The following ST6GALNAC3 variants were observed in gnomAD, a reference collection of about 807,000 sequenced individuals.
The protein encoded by ST6GALNAC3 is alpha-N-acetylgalactosaminide alpha-2,6-sialyltransferase 3.
A neutral mutation model predicts 32.7 loss-of-function variants in ST6GALNAC3; 25 were observed. The ratio of observed to expected loss-of-function variants is 0.76; its 90% CI spans 0.56 to 1.07. The LOEUF (loss-of-function observed/expected upper bound fraction) is 1.07. Ranked by LOEUF, ST6GALNAC3 falls within the 50% of genes least tolerant of loss-of-function variation. The pLI is 0.00. For synonymous variants in ST6GALNAC3, 129 were observed against 133.1 expected (o/e 0.97, Z 0.21); for missense variants, 355 against 382.4 (o/e 0.93, Z 0.60).
At chr1:76,198,095 T>TG (rs1191290450) in intron 1 of ST6GALNAC3, among the ~76,000 whole-genome samples, 1 of 152,216 alleles carries the variant, frequency 6.6e-6, no homozygotes, top group Non-Finnish European at 1.5e-5. Context: ...TGGAGTGCAC[T>TG]GGCACAATCA....
chr1:76,208,001 G>A (rs1654916261), intron 1 of ST6GALNAC3, among the ~76,000 whole-genome samples: 1 of 151,978 alleles, frequency 6.6e-6, no homozygotes, highest in Non-Finnish European at 1.5e-5. Context: ...CTTCAGGGGG[G>A]GCCTGCATTA....
intron 2 of ST6GALNAC3, among the ~76,000 whole-genome samples, chr1:76,403,896 T>C (rs1164998104): frequency 1.3e-5 from 2 of 152,016 alleles, no homozygotes; most frequent in African/African-American, 4.8e-5. Context: ...TTCACATCCA[T>C]ATGAGAAAAC....
chr1:76,126,262 C>T (rs551599422), intron 1 of ST6GALNAC3, among the ~76,000 whole-genome samples: 1 of 152,282 alleles, frequency 6.6e-6, no homozygotes, highest in South Asian at 2.1e-4. Flanking sequence ...TGCCTGCCCT[C>T]TATATTTATT....
chr1:76,480,072 A>G (rs918361273), intron 3 of ST6GALNAC3, among the ~76,000 whole-genome samples: 2 of 152,206 alleles, frequency 1.3e-5, no homozygotes, highest in African/African-American at 2.4e-5. Context: ...TGAAACTAAC[A>G]AATGGAAATA....
chr1:76,124,120 A>C (rs1398088950), intron 1 of ST6GALNAC3, among the ~76,000 whole-genome samples: 1 of 152,182 alleles, frequency 6.6e-6, no homozygotes, highest in Non-Finnish European at 1.5e-5. Context: ...CTAAAAATGA[A>C]AAGAAAAGAA....
chr1:76,327,881 T>C (rs1267748597), intron 2 of ST6GALNAC3, among the ~76,000 whole-genome samples: 1 of 152,136 alleles, frequency 6.6e-6, no homozygotes, highest in Non-Finnish European at 1.5e-5. Context: ...TGAACCCCCA[T>C]GCCTGGCCCA....
intron 1 of ST6GALNAC3, among the ~76,000 whole-genome samples, chr1:76,095,954 G>A (rs764367248): frequency 1.3e-5 from 2 of 152,142 alleles, no homozygotes; most frequent in Non-Finnish European, 2.9e-5. Flanking sequence ...ATGAACAGCT[G>A]ACAGTCATTG....
intron 3 of ST6GALNAC3, among the ~76,000 whole-genome samples, chr1:76,602,504 A>G (rs548583885): frequency 1.3e-5 from 2 of 152,248 alleles, no homozygotes; most frequent in East Asian, 3.9e-4. Flanking sequence ...TTTTGTTTGT[A>G]ATTTGTTAGT....
chr1:76,509,294 G>A lies in ST6GALNAC3; in HGVS notation c.623+96877G>A, dbSNP rs560977773. Among the ~76,000 whole-genome samples the A allele has an allele frequency of 6.6e-6, 1 of 152,314 alleles. No homozygotes were observed. The highest frequency in any genetic ancestry group is 1.5e-5 in the Non-Finnish European group (1 of 68,032). On this transcript the variant is annotated intron_variant, in intron 3 of 4. Transcript: ENST00000328299. This position sits in a 1 kb window ranked among gnomAD's most constrained non-coding sequence, Gnocchi z 5.5. ...AGTTGTTACCTAATTTGCATTCAAA[G>A]AATGGTTTAAAGAATATTGGCAGGA... is the stretch of plus-strand genomic sequence containing the variant.
At chr1:76,587,086 A>G (rs138586617) in intron 3 of ST6GALNAC3, among the ~76,000 whole-genome samples, 1 of 152,334 alleles carries the variant, frequency 6.6e-6, no homozygotes, top group Admixed American at 6.5e-5. Context: ...TATATTCCAG[A>G]CACCAGATAT....
intron 1 of ST6GALNAC3, among the ~76,000 whole-genome samples, chr1:76,143,936 T>G (rs180685524): frequency 2.0e-4 from 31 of 152,318 alleles, no homozygotes; most frequent in African/African-American, 7.5e-4. Context: ...CTTGCCAGCC[T>G]TGGGCCAGTT....
intron 1 of ST6GALNAC3, among the ~76,000 whole-genome samples, chr1:76,094,237 C>T (rs776170793): frequency 1.2e-4 from 18 of 152,014 alleles, no homozygotes; most frequent in Non-Finnish European, 8.8e-5. Context: ...GACAAAATCA[C>T]GGAGGCGAGG....
chr1:76,145,398 C>T (rs1333115240), intron 1 of ST6GALNAC3, among the ~76,000 whole-genome samples: 1 of 152,184 alleles, frequency 6.6e-6, no homozygotes, highest in Non-Finnish European at 1.5e-5. Context: ...GGGACGTGTA[C>T]TAGCAGCATG....
intron 1 of ST6GALNAC3, among the ~76,000 whole-genome samples, chr1:76,204,859 C>G (rs1363447654): frequency 6.6e-6 from 1 of 152,062 alleles, no homozygotes; most frequent in African/African-American, 2.4e-5. Flanking sequence ...ATCTGAGTAC[C>G]AATAGCCTTG....
At position 76,147,835 on chromosome 1, in the gene ST6GALNAC3, C is replaced by G. The variant is rs575040046; in HGVS notation, c.18+72951C>G. ...CTTTTTTTCACTCTCTTTTAGCCCT[C>G]AATCTTCATCTGTCATCATCTCTCT... On this transcript the variant is annotated intron_variant, in intron 1 of 4. Transcript: ENST00000328299. Among the ~76,000 whole-genome samples the G allele has an allele frequency of 3.9e-5, 6 of 152,240 alleles. No individual in the cohort carries two copies. The East Asian group carries it at 9.7e-4, about 25-fold the overall frequency.
At chr1:76,361,835 C>CGTG (rs1649964561) in intron 2 of ST6GALNAC3, among the ~76,000 whole-genome samples, 5 of 150,500 alleles carry the variant, frequency 3.3e-5, no homozygotes, top group Admixed American at 1.3e-4. Context: ...AAAAATTAGC[C>CGTG]TGGCATGGGG....
chr1:76,246,508 TG>T (rs1657266887), intron 1 of ST6GALNAC3, among the ~76,000 whole-genome samples: 1 of 152,198 alleles, frequency 6.6e-6, no homozygotes, highest in African/African-American at 2.4e-5. Flanking sequence ...ATAGTGTCAT[TG>T]GTTTTTATAT....
At chr1:76,190,217 G>T (rs1653814561) in intron 1 of ST6GALNAC3, among the ~76,000 whole-genome samples, 1 of 152,130 alleles carries the variant, frequency 6.6e-6, no homozygotes, top group Non-Finnish European at 1.5e-5. Flanking sequence ...CTATATACTT[G>T]TTTTCTACCC....
chr1:76,204,554 G>T (rs189735553), intron 1 of ST6GALNAC3, among the ~76,000 whole-genome samples: 1,730 of 152,184 alleles, frequency 0.011, 27 homozygotes, highest in East Asian at 0.045. Context: ...TGTGGAGGTG[G>T]GGATATGTCC....
Sources: allele counts gnomAD v4.1 joint callset (sites outside exome capture counted in the v4.1 genomes callset), GRCh38; gene constraint gnomAD v4.1.1; non-coding constraint Gnocchi (gnomAD v3.1); transcripts MANE v1.5; gene names NCBI Gene and HGNC (gene_info 2026-07-23, HGNC 2026-07-21).